ACCSL: variants seen among roughly 807,000 people sequenced by gnomAD.
The protein encoded by ACCSL is 1-aminocyclopropane-1-carboxylate synthase homolog (inactive) like.
Under a neutral mutation model 61.7 loss-of-function variants are expected in ACCSL, and 55 were observed. The observed-to-expected ratio is 0.89, with a 90% confidence interval of 0.72 to 1.12. ACCSL has a LOEUF of 1.12. Ranked by LOEUF, ACCSL falls within the 50% of genes most tolerant of loss-of-function variation. The probability of loss-of-function intolerance (pLI) is 0.00; values close to 1 mark genes in which losing one functional copy is unlikely to be tolerated. For synonymous variants in ACCSL, 258 were observed against 264.3 expected, an observed-to-expected ratio of 0.98 and a Z score of 0.23; for missense variants, 632 against 698.0, an observed-to-expected ratio of 0.91 and a Z score of 1.07.
At chr11:43,998,181 C>T in the ACCSL span, among the ~76,000 whole-genome samples, 5 of 152,250 alleles carry the variant, frequency 3.3e-5, no homozygotes, top group Admixed American at 2.0e-4. Context: ...GTGTGTAAAG[C>T]GTTCAGCCAG....
chr11:44,053,148 A>T (rs1453009968), intron 7 of ACCSL, 80 bp downstream of exon 7: 1 of 1,292,102 alleles, frequency 7.7e-7, no homozygotes, highest in Non-Finnish European at 1.1e-6. Flanking sequence ...GGTACTGCTT[A>T]TTCACCAAGA....
chr11:43,939,359 C>A, the ACCSL span, among the ~76,000 whole-genome samples: 1 of 152,190 alleles, frequency 6.6e-6, no homozygotes, highest in Non-Finnish European at 1.5e-5. Context: ...GTTTCCCACT[C>A]CTGGTATAAA....
the ACCSL span, among the ~76,000 whole-genome samples, chr11:43,923,374 T>G: frequency 2.6e-5 from 4 of 152,260 alleles, no homozygotes; most frequent in Admixed American, 2.6e-4. Flanking sequence ...CTTGATTATT[T>G]TTTTTAATGG....
the ACCSL span, among the ~76,000 whole-genome samples, chr11:43,987,294 T>C: frequency 6.6e-6 from 1 of 152,172 alleles, no homozygotes; most frequent in Non-Finnish European, 1.5e-5. Flanking sequence ...TCTGGTAGCT[T>C]TGGACAGGTC....
chr11:43,925,884 C>G, the ACCSL span, among the ~76,000 whole-genome samples: 1 of 152,178 alleles, frequency 6.6e-6, no homozygotes, highest in East Asian at 1.9e-4. Flanking sequence ...GCATATAGTG[C>G]CTGACAGTAA....
the ACCSL span, chr11:43,942,325 TC>T: frequency 5.3e-6 from 1 of 189,008 alleles, no homozygotes. Context: ...GACTTGGGGA[TC>T]CCAGAAGGGA....
the ACCSL span, among the ~76,000 whole-genome samples, chr11:44,040,315 A>T: frequency 6.6e-6 from 1 of 152,190 alleles, no homozygotes; most frequent in Admixed American, 6.5e-5. Flanking sequence ...TACTTCAAAG[A>T]GCCTGGTCCT....
the ACCSL span, among the ~76,000 whole-genome samples, chr11:43,969,225 G>C: frequency 3.3e-5 from 5 of 151,968 alleles, no homozygotes; most frequent in South Asian, 2.1e-4. Context: ...GCCTGGCATG[G>C]TGGCAGGCGC....
the ACCSL span, among the ~76,000 whole-genome samples, chr11:44,027,447 T>C: frequency 6.6e-6 from 1 of 152,230 alleles, no homozygotes; most frequent in Non-Finnish European, 1.5e-5. Context: ...GTAAAGTAAA[T>C]GTTCCAATAA....
the ACCSL span, among the ~76,000 whole-genome samples, chr11:44,020,927 C>G: frequency 6.6e-6 from 1 of 152,096 alleles, no homozygotes; most frequent in Non-Finnish European, 1.5e-5. Context: ...TGGTTTCCAA[C>G]TACATCTGGG....
At chr11:43,955,873 G>C in the ACCSL span, among the ~76,000 whole-genome samples, 1 of 151,746 alleles carries the variant, frequency 6.6e-6, no homozygotes, top group Non-Finnish European at 1.5e-5. Flanking sequence ...TCATTGCTGA[G>C]CTGAGGCCAA....
the ACCSL span, among the ~76,000 whole-genome samples, chr11:44,041,523 T>C: frequency 3.3e-5 from 5 of 152,244 alleles, no homozygotes; most frequent in African/African-American, 9.6e-5. Flanking sequence ...GACCTATGTG[T>C]ATATGCAACA....
At chr11:44,046,952 T>G (rs922779470), upstream of ACCSL, among the ~76,000 whole-genome samples, 1 of 152,082 alleles carries the variant, frequency 6.6e-6, no homozygotes, top group Non-Finnish European at 1.5e-5. Context: ...GTTGGAAGTT[T>G]GTTGCAGTAA....
chr11:44,051,603 T>A, intron 4 of ACCSL, 50 bp from the exon 5 acceptor site: 1 of 1,609,532 alleles, frequency 6.2e-7, no homozygotes, highest in Non-Finnish European at 8.5e-7. Context: ...GGCTACCCCT[T>A]CTCACATAGG....
At chr11:43,954,745 C>T in the ACCSL span, among the ~76,000 whole-genome samples, 1 of 152,056 alleles carries the variant, frequency 6.6e-6, no homozygotes, top group South Asian at 2.1e-4. Context: ...CCACCACACC[C>T]GGCTAATTTT....
chr11:43,958,575 G>A, the ACCSL span, among the ~76,000 whole-genome samples: 4 of 152,190 alleles, frequency 2.6e-5, no homozygotes, highest in Non-Finnish European at 5.9e-5. Context: ...CCCCTGTCTT[G>A]ATAAATTGAC....
chr11:43,933,426 T>TTGGTCTTGTTCCCTCCCCTCTC, the ACCSL span: 1 of 273,716 alleles, frequency 3.7e-6, no homozygotes, highest in South Asian at 4.0e-5. Context: ...CTGTGTGACC[T>TTGGTCTTGTTCCCTCCCCTCTC]TGGTCTTGTT....
chr11:43,924,834 G>A, the ACCSL span, among the ~76,000 whole-genome samples: 3 of 152,254 alleles, frequency 2.0e-5, no homozygotes, highest in Non-Finnish European at 2.9e-5. Flanking sequence ...GGCTCCTGCA[G>A]GCCTGGAGAA....
the ACCSL span, chr11:43,944,131 G>C: frequency 3.0e-6 from 1 of 329,296 alleles, no homozygotes. Flanking sequence ...CCGGCATCCG[G>C]GCTGAAGTGA....
Sources: allele counts gnomAD v4.1 joint callset (sites outside exome capture counted in the v4.1 genomes callset), GRCh38; gene constraint gnomAD v4.1.1; transcripts MANE v1.5; gene names NCBI Gene and HGNC (gene_info 2026-07-23, HGNC 2026-07-21).